Variants in VWF observed in about 807,000 individuals in gnomAD.
VWF encodes the protein Factor VIII related antigen.
Under a neutral mutation model 308.6 loss-of-function variants are expected in VWF, and 176 were observed. That is an observed-to-expected ratio of 0.57 (90% CI 0.50 to 0.65). The LOEUF (loss-of-function observed/expected upper bound fraction) is 0.65. Among genes scored for constraint, VWF ranks in the 30% least tolerant of loss-of-function variants. The pLI is 0.00. For missense variants in VWF, 3,146 were observed against 3,648.2 expected, an observed-to-expected ratio of 0.86 and a Z score of 3.55; for synonymous variants, 1,385 against 1,443.4, an observed-to-expected ratio of 0.96 and a Z score of 0.92.
chr12:5,962,945 G>A (rs1943336848), intron 47 of VWF, among the ~76,000 whole-genome samples: 1 of 152,192 alleles, frequency 6.6e-6, no homozygotes. Flanking sequence ...CCACATGGGA[G>A]ACCCCTACTT....
Position 5,968,254 on chromosome 12 carries a change from C to T in VWF, c.7730-87G>A, listed in dbSNP as rs566243437. On this transcript the variant is annotated intron_variant, in intron 45 of 51. Transcript: ENST00000261405. The stretch of plus-strand genomic sequence containing the variant: ...CAGGCTGCTCTCTTTGGGGCTCCTC[C>T]TCCGTGTCTGGGCCTCCCTCCTGTA... 7.8e-6 allele frequency: 12 copies of T among 1,541,342 alleles called. No individual in the cohort carries two copies. In the African/African-American group the frequency reaches 8.2e-5, roughly 10 times the overall value.
rs184911160 is a variant in VWF at position 6,078,487 on chromosome 12, G to A, written c.658-2936C>T. Among the ~76,000 whole-genome samples the A allele has an allele frequency of 9.2e-5, 14 of 152,306 alleles. No individual in the cohort carries two copies. The East Asian group carries it at 2.3e-3, about 25-fold the overall frequency. ...AGAGAATTACGTCACTGAACTCAGAGTGCAGATGAGGGTGTCCCAGAGAGG... is the reference window on the plus strand; with the variant it reads ...AGAGAATTACGTCACTGAACTCAGAATGCAGATGAGGGTGTCCCAGAGAGG... On this transcript the variant is annotated intron_variant, in intron 6 of 51. Transcript: ENST00000261405.
chr12:6,077,453 A>G (rs1377683359), intron 6 of VWF, among the ~76,000 whole-genome samples: 1 of 152,184 alleles, frequency 6.6e-6, no homozygotes, highest in Non-Finnish European at 1.5e-5. Flanking sequence ...CAGCCCCTCC[A>G]CGGCCCTGCC....
intron 18 of VWF, 46 bp from the exon 19 acceptor site, chr12:6,036,537 C>G: frequency 6.4e-7 from 1 of 1,573,182 alleles, no homozygotes; most frequent in Non-Finnish European, 8.7e-7. Flanking sequence ...AGTGACTGAT[C>G]TAAAGCCCTC....
At chr12:6,056,481 A>C (rs1353903624) in intron 15 of VWF, among the ~76,000 whole-genome samples, 1 of 152,144 alleles carries the variant, frequency 6.6e-6, no homozygotes, top group Non-Finnish European at 1.5e-5. Flanking sequence ...CGGACTCTTA[A>C]GGGAGGCGGA....
intron 22 of VWF, among the ~76,000 whole-genome samples, chr12:6,026,885 C>A (rs1286421417): frequency 1.3e-5 from 2 of 152,072 alleles, no homozygotes; most frequent in African/African-American, 4.8e-5. Flanking sequence ...CCAGTAAATA[C>A]ATACAGTTAA....
intron 16 of VWF, among the ~76,000 whole-genome samples, chr12:6,048,448 G>A (rs962655481): frequency 1.3e-5 from 2 of 151,696 alleles, no homozygotes; most frequent in East Asian, 3.9e-4. Flanking sequence ...TTACAGGCGT[G>A]AGCCAACGTG....
At chr12:5,999,234 T>G (rs1245819663) in intron 34 of VWF, among the ~76,000 whole-genome samples, 1 of 152,028 alleles carries the variant, frequency 6.6e-6, no homozygotes, top group East Asian at 1.9e-4. Context: ...AAGCCTATCC[T>G]AAGGGCAAAA....
At position 6,074,472 on chromosome 12, in the gene VWF, CTA is replaced by C. The variant is rs561208254; in HGVS notation, c.875-733_875-732del. ...GATACATCAGGTTATCTCCCCTACCCTACATTCACAGACCTAAAAAAAAAAAA... is the reference window on the plus strand; with the variant it reads ...GATACATCAGGTTATCTCCCCTACCCCATTCACAGACCTAAAAAAAAAAAA... On this transcript the variant is annotated intron_variant, in intron 7 of 51. Transcript: ENST00000261405. 4.1e-5 allele frequency among the ~76,000 whole-genome samples: 6 copies of C among 145,464 alleles called. No individual in the cohort carries two copies. The East Asian group carries it at 1.2e-3, about 29-fold the overall frequency.
In VWF at chr12:6,016,856, G is replaced by A; in HGVS notation, c.5068C>T (p.Leu1690=). ...CCATCCAGGAGAAGGATCACGTCCA[G>A]GGGCTGGCTGCAGTCTGCAAAGACA... ...LSPAPDCSQP[L]DVILLLDGSS... The change falls in exon 29 of 52, where the codon CTG becomes TTG. Residue 1690 remains leucine, a synonymous_variant. Transcript: ENST00000261405. The A allele has an allele frequency of 6.2e-7, 1 of 1,614,026 alleles. No homozygotes were observed. Among genetic ancestry groups the A allele is most frequent in the Non-Finnish European group, 8.5e-7 (1 of 1,179,980 alleles).
intron 51 of VWF, 119 bp from the exon 52 acceptor site, chr12:5,949,322 A>C: frequency 2.2e-5 from 21 of 940,160 alleles, no homozygotes; most frequent in Non-Finnish European, 3.2e-5. Context: ...GTCTGATCTC[A>C]CCCAGAAGCA....
At chr12:5,980,228 GA>G (rs1943589760) in intron 42 of VWF, among the ~76,000 whole-genome samples, 1 of 79,586 alleles carries the variant, frequency 1.3e-5, no homozygotes, top group African/African-American at 4.4e-5. Context: ...GGGAGGGAGG[GA>G]GGGAGGGAGG....
At chr12:6,034,943 G>A (rs1591874592) in intron 19 of VWF, 117 bp from the exon 20 acceptor site, 2 of 1,312,882 alleles carry the variant, frequency 1.5e-6, no homozygotes, top group Non-Finnish European at 2.1e-6. Flanking sequence ...AACCCTCCAG[G>A]AAGCCCAAGG....
rs777386798 is a variant in VWF, at chr12:6,036,236, C to T, written c.2546+152G>A. On this transcript the variant is annotated intron_variant, in intron 19 of 51. Transcript: ENST00000261405. ...GATGAAAAAGATTCTCCCCATTTTA[C>T]AGATGGAGAAACACAGGCACGGAGG... 141 of 703,316 alleles carry T rather than the reference C, an allele frequency of 2.0e-4. 1 individual carries two copies. The highest frequency in any genetic ancestry group is 2.7e-4 in the Non-Finnish European group (107 of 390,758). The allele number at this position is 703,316 out of a possible 1,614,324, so 43.6% of individuals were successfully genotyped here.
At chr12:6,103,392 G>GTATACACGTGTGTGTA in intron 5 of VWF, among the ~76,000 whole-genome samples, 2 of 119,812 alleles carry the variant, frequency 1.7e-5, no homozygotes, top group Non-Finnish European at 3.3e-5. Context: ...ACACGTGTGT[G>GTATACACGTGTGTGTA]TATACACGTG....
intron 6 of VWF, among the ~76,000 whole-genome samples, chr12:6,077,583 CAGAGA>C (rs1032961086): frequency 3.3e-5 from 5 of 152,184 alleles, no homozygotes; most frequent in Non-Finnish European, 7.3e-5. Context: ...CTCACCTGGT[CAGAGA>C]AGAGTGTCCC....
intron 5 of VWF, 146 bp from the exon 6 acceptor site, chr12:6,095,730 G>T: frequency 8.9e-7 from 1 of 1,121,632 alleles, no homozygotes; most frequent in Non-Finnish European, 1.3e-6. Context: ...TTCCCAGGCT[G>T]GAGTGCAGCG....
intron 5 of VWF, among the ~76,000 whole-genome samples, chr12:6,105,612 G>A (rs893726164): frequency 2.6e-5 from 4 of 152,100 alleles, no homozygotes; most frequent in African/African-American, 4.8e-5. Context: ...CTCCTTTTAA[G>A]TAAAGAGAAA....
At chr12:6,049,065 G>A (rs963943022) in intron 16 of VWF, among the ~76,000 whole-genome samples, 5 of 152,146 alleles carry the variant, frequency 3.3e-5, no homozygotes, top group East Asian at 1.9e-4. Flanking sequence ...TGTGATGGCC[G>A]CTGGGATGAC....
Sources: gnomAD v4.1 joint callset for allele counts (sites outside exome capture counted in the v4.1 genomes callset) on GRCh38, gnomAD v4.1.1 for gene constraint, MANE v1.5 for transcripts, NCBI Gene and HGNC (gene_info 2026-07-23, HGNC 2026-07-21) for gene names.